ZNF540: variants seen among roughly 807,000 people sequenced by gnomAD.
The protein encoded by ZNF540 is CTD-3064H18.6.
ZNF540 carries 3 observed loss-of-function variants against 11.8 expected under a neutral mutation model. That is an observed-to-expected ratio of 0.25 (90% CI 0.12 to 0.65). The LOEUF is 0.65. Ranked by LOEUF, ZNF540 falls within the 30% of genes least tolerant of loss-of-function variation. The probability of loss-of-function intolerance (pLI) is 0.83; values close to 1 mark genes in which losing one functional copy is unlikely to be tolerated. For missense variants in ZNF540, 709 were observed against 793.1 expected (o/e 0.89, Z 1.27); for synonymous variants, 247 against 259.0 (o/e 0.95, Z 0.45).
At chr19:37,555,754 A>G in intron 1 of ZNF540, 3 of 618,074 alleles carry the variant, frequency 4.9e-6, no homozygotes, top group Non-Finnish European at 8.6e-6. Flanking sequence ...TAGTCCCAAC[A>G]TCAAATCCTG....
At chr19:37,588,305 G>GA (rs543500159) in intron 1 of ZNF540, among the ~76,000 whole-genome samples, 7 of 151,942 alleles carry the variant, frequency 4.6e-5, no homozygotes, top group African/African-American at 1.4e-4. Flanking sequence ...GCAAGAATTG[G>GA]AAAAAAATGC....
Position 37,611,760 on chromosome 19 carries a change from G to C in ZNF540, c.480G>C (p.Leu160=). The change falls in exon 5 of 5, where the codon CTG becomes CTC. Residue 160 remains leucine (L), a synonymous_variant. Coordinates refer to ENST00000316433, the MANE Select transcript of ZNF540 (RefSeq NM_001172225.3). The stretch of plus-strand genomic sequence containing the variant: ...ATAGAAAACGTCCCTCTTTTACTCT[G>C]AATCAGAGAATTCACAATAGTGAGA... ...STDRKRPSFT[L]NQRIHNSEKS... 6.2e-7 allele frequency: 1 copy of C among 1,613,962 alleles called. No individual in the cohort carries two copies. The highest frequency in any genetic ancestry group is 8.5e-7 in the Non-Finnish European group (1 of 1,179,954).
Position 37,612,591 on chromosome 19 carries a change from A to C in ZNF540, c.1311A>C (p.Lys437Asn). ...ATTCTAGAATTCATACTGGAGAGAA[A>C]CCATATGAATGTAAGGAATGCGGGA... ...RVHSRIHTGE[K>N]PYECKECGKA... Residue 437 changes from lysine (K) to asparagine (N), a missense_variant, in exon 5 of 5, where the codon AAA becomes AAC. Lys to Asn is a moderately conservative substitution (Grantham distance 94, BLOSUM62 0). Transcript: ENST00000316433. 1 of 1,614,104 alleles carries C rather than the reference A, an allele frequency of 6.2e-7. No individual in the cohort carries two copies. Among genetic ancestry groups the C allele is most frequent in the Non-Finnish European group, 8.5e-7 (1 of 1,180,020 alleles).
In ZNF540 at chr19:37,612,204, T is replaced by TCAA. The variant is rs750676281; in HGVS notation, c.926_928dup (p.Gln309dup). On this transcript the variant is annotated inframe_insertion, in exon 5 of 5. Transcript: ENST00000316433. ...AATGTAAAGAATGTGGAAAAGTTTT[T>TCAA]CAACTTATTTTCTACTTTAAAGAAC... is the stretch of plus-strand genomic sequence containing the variant. The TCAA allele has an allele frequency of 9.1e-5, 146 of 1,612,478 alleles. No individual in the cohort carries two copies. Among genetic ancestry groups the TCAA allele is most frequent in the Admixed American group, 1.5e-4 (9 of 59,842 alleles).
intron 1 of ZNF540, chr19:37,565,408 A>G: frequency 6.2e-7 from 1 of 1,613,606 alleles, no homozygotes. Flanking sequence ...AGGCTTTCCC[A>G]CATTCTTTAC....
intron 4 of ZNF540, among the ~76,000 whole-genome samples, chr19:37,606,521 A>G (rs2044086671): frequency 6.6e-6 from 1 of 152,226 alleles, no homozygotes; most frequent in Admixed American, 6.5e-5. Flanking sequence ...AACTACCTAT[A>G]TCGGTGTACC....
At chr19:37,574,619 A>G (rs2043181403) in intron 1 of ZNF540, among the ~76,000 whole-genome samples, 1 of 152,144 alleles carries the variant, frequency 6.6e-6, no homozygotes, top group Non-Finnish European at 1.5e-5. Context: ...TTTCTTCCCA[A>G]CAGTTGTTCA....
chr19:37,591,125 C>T (rs2043856425), upstream of ZNF540, among the ~76,000 whole-genome samples: 1 of 152,064 alleles, frequency 6.6e-6, no homozygotes, highest in South Asian at 2.1e-4. Flanking sequence ...CTGAAATGGC[C>T]TAGAATAAAC....
At chr19:37,604,295 A>ATTTTTTT (rs1491343746) in intron 4 of ZNF540, among the ~76,000 whole-genome samples, 11 of 33,902 alleles carry the variant, frequency 3.2e-4, no homozygotes, top group East Asian at 1.2e-3. Context: ...AAATAGCCTT[A>ATTTTTTT]CTTTTTTTTT....
At chr19:37,579,329 C>T (rs894913802) in intron 1 of ZNF540, among the ~76,000 whole-genome samples, 52 of 152,322 alleles carry the variant, frequency 3.4e-4, no homozygotes, top group African/African-American at 1.1e-3. Context: ...CATTCCAACT[C>T]TGCTGGCGCC....
In ZNF540 at chr19:37,569,141, T is replaced by C. The variant is rs895150472; in HGVS notation, c.-73+17476T>C. Among the ~76,000 whole-genome samples the C allele has an allele frequency of 2.6e-5, 4 of 152,006 alleles. No homozygotes were observed. Among genetic ancestry groups the C allele is most frequent in the African/African-American group, 9.7e-5 (4 of 41,340 alleles). On this transcript the variant is annotated intron_variant, in intron 1 of 4. Coordinates refer to the ZNF540 transcript ENST00000592533. This position sits in a 1 kb window ranked among gnomAD's most constrained non-coding sequence, Gnocchi z 4.4. ...CTCATTTTTGTATTTTTAGTAGAGATAGGCCTTCACCATATTGGTCAGGCT... is the reference window on the plus strand; with the variant it reads ...CTCATTTTTGTATTTTTAGTAGAGACAGGCCTTCACCATATTGGTCAGGCT...
In ZNF540 at chr19:37,596,453, T is replaced by C. The variant is rs373314275; in HGVS notation, c.-73+1358T>C. On this transcript the variant is annotated intron_variant, in intron 1 of 4. Transcript: ENST00000316433. ...GCCTGAAATATTTATTATGTGGTTCTTTGCAGGAAAAGTTTGCAGACTCCC... is the reference window on the plus strand; with the variant it reads ...GCCTGAAATATTTATTATGTGGTTCCTTGCAGGAAAAGTTTGCAGACTCCC... 5.3e-5 allele frequency among the ~76,000 whole-genome samples: 8 copies of C among 152,334 alleles called. No individual in the cohort carries two copies. The East Asian group carries it at 1.2e-3, about 22-fold the overall frequency.
Position 37,597,615 on chromosome 19 carries a change from C to T in ZNF540, c.-72-761C>T, listed in dbSNP as rs148767443. 1.6e-3 allele frequency: 241 copies of T among 152,294 alleles called. 2 individuals carry two copies. In the East Asian group the frequency reaches 0.023, roughly 15 times the overall value. The allele number at this position is 152,294 out of a possible 1,614,324, so 9.4% of individuals were successfully genotyped here. A position where few individuals can be genotyped will look rare whatever the true frequency, so the allele number is the denominator to read the frequency against. ...GCTAATTTTGTATTTTTAGTAGAGACGGGGTTTCTCCATGTTGGTCAGGCT... is the reference window on the plus strand; with the variant it reads ...GCTAATTTTGTATTTTTAGTAGAGATGGGGTTTCTCCATGTTGGTCAGGCT... On this transcript the variant is annotated intron_variant, in intron 1 of 4. Coordinates refer to ENST00000316433, the MANE Select transcript of ZNF540 (RefSeq NM_001172225.3).
chr19:37,557,801 A>C (rs2042676270), intron 1 of ZNF540, among the ~76,000 whole-genome samples: 1 of 149,810 alleles, frequency 6.7e-6, no homozygotes, highest in Admixed American at 6.6e-5. Context: ...ACTTTGAAGT[A>C]AAGTCTCTAT....
In ZNF540 at chr19:37,611,802, C is replaced by T; in HGVS notation, c.522C>T (p.His174=). The part of the protein sequence containing the change: ...IHNSEKSCDS[H]LVQHGKIDSD... ...ATAGTGAGAAAAGCTGTGACTCACA[C>T]TTGGTTCAACATGGGAAAATAGATT... is the stretch of plus-strand genomic sequence containing the variant. Residue 174 remains histidine (H), a synonymous_variant, in exon 5 of 5, where the codon CAC becomes CAT. Transcript: ENST00000316433. The T allele has an allele frequency of 1.2e-6, 2 of 1,613,976 alleles. No individual in the cohort carries two copies. The highest frequency in any genetic ancestry group is 1.1e-5 in the South Asian group (1 of 91,076).
rs767753746 is a variant in ZNF540 at position 37,613,207 on chromosome 19, G to T, written c.1927G>T (p.Ala643Ser). Residue 643 changes from alanine to serine, a missense_variant, in exon 5 of 5, where the codon GCC becomes TCC. Coordinates refer to ENST00000316433, the MANE Select transcript of ZNF540 (RefSeq NM_001172225.3). ...KPYECKVCRK[A>S]FRQYSHLYQH... ...CTATGAGTGTAAGGTATGTAGAAAG[G>T]CCTTTAGACAATATTCACATCTTTA... 5.1e-6 allele frequency: 8 copies of T among 1,569,554 alleles called. No individual in the cohort carries two copies. In the East Asian group the frequency reaches 1.8e-4, roughly 35 times the overall value.
intron 3 of ZNF540, among the ~76,000 whole-genome samples, chr19:37,600,473 T>C (rs74735784): frequency 3.3e-5 from 5 of 152,322 alleles, no homozygotes; most frequent in Non-Finnish European, 5.9e-5. Flanking sequence ...AAGCTTCTTG[T>C]TTTGCTCTAA....
chr19:37,573,397 G>C (rs1182011037), intron 1 of ZNF540, among the ~76,000 whole-genome samples: 1 of 152,186 alleles, frequency 6.6e-6, no homozygotes, highest in Non-Finnish European at 1.5e-5. Flanking sequence ...AGCAACTGGT[G>C]AATCTGCCCA....
Position 37,599,665 on chromosome 19 carries a change from C to T in ZNF540, c.49C>T (p.Gln17Ter), listed in dbSNP as rs2044024051. ...TFRDVAIDFSQKEWECLDTTQ... is the reference protein window; with the variant it reads ...TFRDVAIDFS ...CAGGGATGTGGCTATAGACTTCTCTCAGAAGGAATGGGAGTGCCTGGACAC... is the reference window on the plus strand; with the variant it reads ...CAGGGATGTGGCTATAGACTTCTCTTAGAAGGAATGGGAGTGCCTGGACAC... Residue 17 changes from glutamine to a stop codon, truncating the protein, a stop_gained, in exon 3 of 5, where the codon CAG becomes TAG. Coordinates refer to ENST00000316433, the MANE Select transcript of ZNF540 (RefSeq NM_001172225.3). LOFTEE classifies it high-confidence loss of function. 6.2e-7 allele frequency: 1 copy of T among 1,613,882 alleles called. No individual in the cohort carries two copies. Among genetic ancestry groups the T allele is most frequent in the African/African-American group, 1.3e-5 (1 of 74,906 alleles).
Sources: allele counts gnomAD v4.1 joint callset (sites outside exome capture counted in the v4.1 genomes callset), GRCh38; gene constraint gnomAD v4.1.1; non-coding constraint Gnocchi (gnomAD v3.1); transcripts MANE v1.5; gene names NCBI Gene and HGNC (gene_info 2026-07-23, HGNC 2026-07-21).